Variants in KIF21A observed in about 807,000 individuals in gnomAD.
The protein encoded by KIF21A is kinesin family member 21A, also known as kinesin-like protein KIF21A.
Under a neutral mutation model 202.9 loss-of-function variants are expected in KIF21A, and 114 were observed. That is an observed-to-expected ratio of 0.56 (90% CI 0.48 to 0.66). The LOEUF (loss-of-function observed/expected upper bound fraction) is 0.66. Among genes scored for constraint, KIF21A ranks in the 30% least tolerant of loss-of-function variants. The pLI is 0.00. For synonymous variants in KIF21A, 667 were observed against 670.8 expected (o/e 0.99, Z 0.09); for missense variants, 1,677 against 1,994.9 (o/e 0.84, Z 3.04).
intron 12 of KIF21A, among the ~76,000 whole-genome samples, 197 bp from the exon 13 acceptor site, chr12:39,342,321 T>G (rs1947509190): frequency 6.6e-6 from 1 of 152,154 alleles, no homozygotes; most frequent in Non-Finnish European, 1.5e-5. Context: ...TGTAATGATT[T>G]ATATCACTGG....
intron 1 of KIF21A, among the ~76,000 whole-genome samples, chr12:39,438,179 A>G (rs2140459456): frequency 6.6e-6 from 1 of 152,304 alleles, no homozygotes; most frequent in East Asian, 1.9e-4. Context: ...TGTAGAGCCA[A>G]TAAAATATTA....
At chr12:39,330,184 C>T (rs1200403647) in intron 24 of KIF21A, 58 bp downstream of exon 24, 3 of 1,481,632 alleles carry the variant, frequency 2.0e-6, no homozygotes, top group East Asian at 2.3e-5. Context: ...AATTAGTGTA[C>T]ATGAACAATT....
At chr12:39,362,885 A>G (rs2139010312) in intron 7 of KIF21A, among the ~76,000 whole-genome samples, 1 of 152,366 alleles carries the variant, frequency 6.6e-6, no homozygotes, top group Non-Finnish European at 1.5e-5. Context: ...TCTAGAAAAT[A>G]GAATAATAAT....
chr12:39,334,381 A>G (rs1223088563), intron 17 of KIF21A, among the ~76,000 whole-genome samples: 1 of 152,140 alleles, frequency 6.6e-6, no homozygotes, highest in Non-Finnish European at 1.5e-5. Flanking sequence ...TTAACAAATA[A>G]TCACTCGTGT....
rs1489872109 is a variant in KIF21A at position 39,318,069 on chromosome 12, T to C, written c.3908+4A>G. The C allele has an allele frequency of 6.2e-7, 1 of 1,611,812 alleles. No homozygotes were observed. The highest frequency in any genetic ancestry group is 1.3e-5 in the African/African-American group (1 of 74,970). ...AATTGGGGCTCTTTTCCATAATGAC[T>C]TACTTATCCTGCTGAACTGATGTGT... On this transcript the variant is annotated splice_donor_region_variant and intron_variant, in intron 29 of 37. Transcript: ENST00000361418.
In KIF21A at chr12:39,333,283, A is replaced by G; in HGVS notation, c.2419-3T>C. 6.4e-7 allele frequency: 1 copy of G among 1,567,378 alleles called. No homozygotes were observed. Among genetic ancestry groups the G allele is most frequent in the Non-Finnish European group, 8.8e-7 (1 of 1,137,708 alleles). On this transcript the variant is annotated splice_polypyrimidine_tract_variant and splice_region_variant and intron_variant, in intron 17 of 37. Transcript: ENST00000361418. ...GCTTCCAGAAGTCTAAGTTGATGCT[A>G]TAAAATAATATTAAATAAGTGGAAA...
rs1745595760 is a variant in KIF21A, at chr12:39,315,916, G to A, written c.3947+16C>T. 1 of 1,590,752 alleles carries A rather than the reference G, an allele frequency of 6.3e-7. No individual in the cohort carries two copies. The highest frequency in any genetic ancestry group is 8.6e-7 in the Non-Finnish European group (1 of 1,159,008). On this transcript the variant is annotated intron_variant, in intron 30 of 37. Coordinates refer to ENST00000361418, the MANE Select transcript of KIF21A (RefSeq NM_001173464.2). ...AATGAAATTCCAGAATGTAGGAAAGGCAGGAAAGAAAGTACCTGTGTACCT... is the reference window on the plus strand; with the variant it reads ...AATGAAATTCCAGAATGTAGGAAAGACAGGAAAGAAAGTACCTGTGTACCT...
chr12:39,417,971 G>T (rs1195008942), intron 1 of KIF21A, among the ~76,000 whole-genome samples: 2 of 152,050 alleles, frequency 1.3e-5, no homozygotes, highest in Non-Finnish European at 2.9e-5. Flanking sequence ...ACTTTGGGAG[G>T]CTAAGGCAGG....
intron 27 of KIF21A, chr12:39,321,977 G>A (rs991459657): frequency 3.9e-5 from 6 of 152,372 alleles, no homozygotes; most frequent in African/African-American, 1.4e-4. Flanking sequence ...ACACACACAG[G>A]ACTATGTGGG....
At chr12:39,329,924 C>A in intron 24 of KIF21A, 1 of 251,056 alleles carries the variant, frequency 4.0e-6, no homozygotes, top group Non-Finnish European at 7.7e-6. Context: ...TTTAACGGAA[C>A]ATAAATATTA....
intron 31 of KIF21A, chr12:39,312,363 C>A (rs1944115565): frequency 6.6e-6 from 1 of 151,790 alleles, no homozygotes; most frequent in East Asian, 1.9e-4. Context: ...AGGACGGTTA[C>A]CAGAGGCTAG....
chr12:39,433,992 A>ATCCAAT (rs1938323305), intron 1 of KIF21A, among the ~76,000 whole-genome samples: 2 of 152,326 alleles, frequency 1.3e-5, no homozygotes, highest in Admixed American at 1.3e-4. Flanking sequence ...AGAATAACTA[A>ATCCAAT]TCCAATTGCT....
rs146467179 is a variant in KIF21A, at chr12:39,370,220, T to C, written c.86A>G (p.His29Arg). The C allele has an allele frequency of 3.1e-6, 5 of 1,613,552 alleles. No homozygotes were observed. The highest frequency in any genetic ancestry group is 2.7e-5 in the African/African-American group (2 of 74,880). Residue 29 changes from histidine (H) to arginine (R), a missense_variant, in exon 2 of 38, where the codon CAT becomes CGT. By Grantham distance (29) the His-to-Arg change is conservative. Transcript: ENST00000361418. ...TCCTGGTGTGACAGATGTACAAATATGGCATCCTTCAATCTTCTCTTTGGC... is the reference window on the plus strand; with the variant it reads ...TCCTGGTGTGACAGATGTACAAATACGGCATCCTTCAATCTTCTCTTTGGC... ...QLAKEKIEGCHICTSVTPGEP... is the reference protein window; with the variant it reads ...QLAKEKIEGCRICTSVTPGEP...
chr12:39,403,293 T>G (rs1473314510), intron 1 of KIF21A, among the ~76,000 whole-genome samples: 8 of 152,332 alleles, frequency 5.3e-5, no homozygotes, highest in Admixed American at 4.6e-4. Context: ...GTCTACAGTT[T>G]GTAAGACAAA....
In KIF21A at chr12:39,330,903, C is replaced by A. The variant is rs761139342; in HGVS notation, c.3162G>T (p.Gln1054His). Residue 1054 changes from glutamine to histidine, a missense_variant, in exon 23 of 38, where the codon CAG (glutamine) becomes CAT (histidine). Physicochemically the swap from Gln to His is conservative, Grantham distance 24. Around this residue, in one of 3 missense-constraint regions of KIF21A, gnomAD observed 705 missense variants for 791.9 expected, o/e 0.89. Transcript: ENST00000361418. Reference protein sequence around the residue: ...FLSMGINKGLQAAQKEAQIKV... With the variant: ...FLSMGINKGLHAAQKEAQIKV... ...TAATTTGAGCCTCTTTCTGGGCAGC[C>A]TGAAGACCCTGAAACACAACAAAAA... 3.1e-6 allele frequency: 5 copies of A among 1,613,804 alleles called. No individual in the cohort carries two copies. The African/African-American group carries it at 6.7e-5, about 22-fold the overall frequency.
chr12:39,360,873 T>G lies in KIF21A; in HGVS notation c.1019+2225A>C, dbSNP rs185691020. Among the ~76,000 whole-genome samples the G allele has an allele frequency of 1.0e-3, 156 of 152,380 alleles. 1 individual carries two copies. The highest frequency in any genetic ancestry group is 3.5e-3 in the African/African-American group (146 of 41,598). The stretch of plus-strand genomic sequence containing the variant: ...CTTATTTTCAAAAATATCCTTGGTC[T>G]AATTTTTCTTTTAAGTTTAATTTGT... On this transcript the variant is annotated intron_variant, in intron 7 of 37. Coordinates refer to ENST00000361418, the MANE Select transcript of KIF21A (RefSeq NM_001173464.2).
intron 6 of KIF21A, 49 bp downstream of exon 6, chr12:39,366,301 G>A (rs201658091): frequency 1.3e-6 from 2 of 1,502,014 alleles, no homozygotes; most frequent in East Asian, 2.3e-5. Context: ...AAGACAAAAG[G>A]ACAATAGAAA....
At position 39,351,731 on chromosome 12, in the gene KIF21A, T is replaced by C. The variant is rs746885094; in HGVS notation, c.1673+46A>G. On this transcript the variant is annotated intron_variant, in intron 11 of 37. Transcript: ENST00000361418. ...TTTATAATTGCAAATTAAAATACCCTGAAAAGGAAATAGAGATTCATTTAG... is the reference window on the plus strand; with the variant it reads ...TTTATAATTGCAAATTAAAATACCCCGAAAAGGAAATAGAGATTCATTTAG... 3.4e-6 allele frequency: 4 copies of C among 1,189,840 alleles called. No homozygotes were observed. In the Admixed American group the frequency reaches 7.1e-5, roughly 21 times the overall value. 73.7% of individuals were successfully genotyped at this position (1,189,840 alleles called of 1,614,324 possible). A position where few individuals can be genotyped will look rare whatever the true frequency, so the allele number is the denominator to read the frequency against.
chr12:39,304,104 T>C (rs1943227011), intron 35 of KIF21A, among the ~76,000 whole-genome samples: 1 of 152,232 alleles, frequency 6.6e-6, no homozygotes, highest in African/African-American at 2.4e-5. Context: ...AATACGTTCA[T>C]GTCTCTAGGG....
Sources: allele counts gnomAD v4.1 joint callset (sites outside exome capture counted in the v4.1 genomes callset), GRCh38; gene constraint gnomAD v4.1.1; regional missense constraint gnomAD v4.1.1; transcripts MANE v1.5; gene names NCBI Gene and HGNC (gene_info 2026-07-23, HGNC 2026-07-21).